Variants in PTPRD observed in about 807,000 individuals in gnomAD.
PTPRD encodes protein tyrosine phosphatase receptor type D.
Under a neutral mutation model 214.5 loss-of-function variants are expected in PTPRD, and 34 were observed. The ratio of observed to expected loss-of-function variants is 0.16; its 90% CI spans 0.12 to 0.21. The LOEUF (loss-of-function observed/expected upper bound fraction) is 0.21. PTPRD is among the 10% of genes least tolerant of loss of function. The pLI, the probability that PTPRD is intolerant of heterozygous loss-of-function variation, is 1.00. For synonymous variants in PTPRD, 1,128 were observed against 845.7 expected (o/e 1.33, Z -5.79); for missense variants, 2,545 against 2,398.7 (o/e 1.06, Z -1.27).
intron 10 of PTPRD, among the ~76,000 whole-genome samples, chr9:9,132,287 G>A (rs1343050712): frequency 6.6e-6 from 1 of 152,130 alleles, no homozygotes; most frequent in Non-Finnish European, 1.5e-5. Context: ...GGGATTACAG[G>A]CGTGAGCCAC....
intron 11 of PTPRD, among the ~76,000 whole-genome samples, chr9:8,786,039 G>A (rs1030126737): frequency 7.2e-6 from 1 of 139,070 alleles, no homozygotes; most frequent in Non-Finnish European, 1.5e-5. Context: ...TTTGTTGTGT[G>A]TGTGTGTGTG....
In PTPRD at chr9:9,120,059, C is replaced by T. The variant is rs117357981; in HGVS notation, c.-143+63245G>A. Among the ~76,000 whole-genome samples, 601 of 152,144 alleles carry T rather than the reference C, an allele frequency of 4.0e-3. 1 individual carries two copies. Among genetic ancestry groups the T allele is most frequent in the Admixed American group, 5.8e-3 (89 of 15,274 alleles). The stretch of plus-strand genomic sequence containing the variant: ...AAACTGTGTTCTGTAAAACATTTTT[C>T]CTTGAAAGATGCCAACAGGTAGACA... On this transcript the variant is annotated intron_variant, in intron 10 of 45. Coordinates refer to ENST00000381196, the MANE Select transcript of PTPRD (RefSeq NM_002839.4).
intron 23 of PTPRD, among the ~76,000 whole-genome samples, chr9:8,503,447 T>A (rs2097461445): frequency 6.6e-6 from 1 of 152,156 alleles, no homozygotes; most frequent in Non-Finnish European, 1.5e-5. Flanking sequence ...GTAAATAGTA[T>A]TTTTTATGAA....
In PTPRD at chr9:8,412,258, A is replaced by T. The variant is rs2093591011; in HGVS notation, c.4087-7598T>A. On this transcript the variant is annotated intron_variant, in intron 35 of 45. Transcript: ENST00000381196. ...CCAATCTCATTAAACAAAATATTAA[A>T]ATAGGTTATGCACACCTAGAAACAT... Among the ~76,000 whole-genome samples the T allele has an allele frequency of 4.6e-5, 7 of 152,194 alleles. No individual in the cohort carries two copies. In the South Asian group the frequency reaches 1.5e-3, roughly 32 times the overall value.
At position 8,613,113 on chromosome 9, in the gene PTPRD, T is replaced by C. The variant is rs561887448; in HGVS notation, c.352+20204A>G. 2.0e-5 allele frequency among the ~76,000 whole-genome samples: 3 copies of C among 152,346 alleles called. No homozygotes were observed. In the South Asian group the frequency reaches 6.2e-4, roughly 32 times the overall value. On this transcript the variant is annotated intron_variant, in intron 14 of 45. Coordinates refer to ENST00000381196, the MANE Select transcript of PTPRD (RefSeq NM_002839.4). The stretch of plus-strand genomic sequence containing the variant: ...ATATTTTACTTATATTTGGTGTGCG[T>C]GCTGGGCAAAGGGTAGGATGTCTTA...
At chr9:9,568,813 C>A (rs1367785116) in intron 8 of PTPRD, among the ~76,000 whole-genome samples, 1 of 151,786 alleles carries the variant, frequency 6.6e-6, no homozygotes, top group South Asian at 2.1e-4. Context: ...AGATGAAGAC[C>A]TTTTTGTAGC....
intron 5 of PTPRD, among the ~76,000 whole-genome samples, chr9:9,792,064 G>T (rs993420922): frequency 1.3e-5 from 2 of 151,602 alleles, no homozygotes; most frequent in Non-Finnish European, 2.9e-5. Context: ...GGACTCCAAG[G>T]ATTAAAAAAA....
chr9:9,439,176 G>C lies in PTPRD; in HGVS notation c.-236-41694C>G, dbSNP rs114865070. Reference sequence around the variant, plus strand: ...CAGAAAACAGTTTAAAAATAAACAAGATCTGTTAATACATTAGATTTTTTT... The same window carrying C: ...CAGAAAACAGTTTAAAAATAAACAACATCTGTTAATACATTAGATTTTTTT... On this transcript the variant is annotated intron_variant, in intron 8 of 45. Transcript: ENST00000381196. 2.8e-3 allele frequency among the ~76,000 whole-genome samples: 384 copies of C among 137,224 alleles called. 1 individual carries two copies. The highest frequency in any genetic ancestry group is 9.9e-3 in the African/African-American group (356 of 36,112). The allele number at this position is 137,224 out of a possible 152,430, so 90.0% of individuals were successfully genotyped here.
chr9:8,715,651 G>A (rs2098424153), intron 12 of PTPRD, among the ~76,000 whole-genome samples: 1 of 152,096 alleles, frequency 6.6e-6, no homozygotes, highest in Non-Finnish European at 1.5e-5. Context: ...AAATGCAACA[G>A]TCAGGCCAAC....
chr9:9,649,009 G>C (rs1285769847), intron 7 of PTPRD, among the ~76,000 whole-genome samples: 1 of 152,132 alleles, frequency 6.6e-6, no homozygotes, highest in Non-Finnish European at 1.5e-5. Flanking sequence ...ACCAAGCAGA[G>C]GGGCCTTTGT....
chr9:9,630,965 G>A (rs1222166236), intron 7 of PTPRD, among the ~76,000 whole-genome samples: 2 of 152,060 alleles, frequency 1.3e-5, no homozygotes, highest in African/African-American at 2.4e-5. Context: ...TAATGGATGC[G>A]AAGTATATAA....
intron 7 of PTPRD, among the ~76,000 whole-genome samples, chr9:9,644,205 C>G (rs2096067784): frequency 6.6e-6 from 1 of 152,108 alleles, no homozygotes. Context: ...GTAGCCTTAT[C>G]CAACCCTCTT....
chr9:10,150,412 C>T (rs907223997), intron 3 of PTPRD, among the ~76,000 whole-genome samples: 5 of 151,744 alleles, frequency 3.3e-5, no homozygotes, highest in Admixed American at 3.3e-4. Flanking sequence ...ATTGCAGAAA[C>T]AGAAAATCAA....
chr9:8,315,375 C>G lies in PTPRD; in HGVS notation c.*2499G>C. ...AGAAGCTGCTCATTGGCCAATCATT[C>G]TGGTGTGCAGTGCTCCATCGGATTC... On this transcript the variant is annotated 3_prime_UTR_variant, in exon 46 of 46. Transcript: ENST00000381196. The G allele has an allele frequency of 4.3e-6, 1 of 232,570 alleles. No individual in the cohort carries two copies. The allele number at this position is 232,570 out of a possible 1,614,324, so 14.4% of individuals were successfully genotyped here.
intron 3 of PTPRD, among the ~76,000 whole-genome samples, chr9:10,193,512 G>A (rs1352917276): frequency 6.6e-6 from 1 of 152,108 alleles, no homozygotes; most frequent in Non-Finnish European, 1.5e-5. Flanking sequence ...GTAAAAGCGG[G>A]GGTGGGAGGG....
At chr9:8,849,157 C>G (rs1251091400) in intron 11 of PTPRD, among the ~76,000 whole-genome samples, 1 of 147,372 alleles carries the variant, frequency 6.8e-6, no homozygotes, top group Non-Finnish European at 1.5e-5. Context: ...CAATTCTACT[C>G]AACTCAAAAA....
chr9:10,104,588 T>C (rs2098605029), intron 3 of PTPRD, among the ~76,000 whole-genome samples: 1 of 151,824 alleles, frequency 6.6e-6, no homozygotes, highest in South Asian at 2.1e-4. Flanking sequence ...ATTATGTCAT[T>C]ACATTAGAAT....
At chr9:10,013,496 T>C (rs531140490) in intron 4 of PTPRD, among the ~76,000 whole-genome samples, 1 of 151,330 alleles carries the variant, frequency 6.6e-6, no homozygotes, top group Non-Finnish European at 1.5e-5. Flanking sequence ...AAACAGAGAT[T>C]CACCTCAGAA....
At chr9:9,399,134 T>A (rs137896662) in intron 8 of PTPRD, among the ~76,000 whole-genome samples, 4 of 152,072 alleles carry the variant, frequency 2.6e-5, no homozygotes, top group Non-Finnish European at 5.9e-5. Flanking sequence ...CATTAAGAAC[T>A]TTTCTTACTG....
Sources: allele counts gnomAD v4.1 joint callset (sites outside exome capture counted in the v4.1 genomes callset), GRCh38; gene constraint gnomAD v4.1.1; transcripts MANE v1.5; gene names NCBI Gene and HGNC (gene_info 2026-07-23, HGNC 2026-07-21).